The following SYNPO2 variants were observed in gnomAD, a reference collection of about 807,000 sequenced individuals.
SYNPO2 encodes synaptopodin-2.
Under a neutral mutation model 85.0 loss-of-function variants are expected in SYNPO2, and 56 were observed. The ratio of observed to expected loss-of-function variants is 0.66; its 90% confidence interval spans 0.53 to 0.82. SYNPO2 has a LOEUF of 0.82. Among genes scored for constraint, SYNPO2 ranks in the 40% least tolerant of loss-of-function variants. SYNPO2 has a pLI of 0.00. For missense variants in SYNPO2, 1,575 were observed against 1,534.2 expected (o/e 1.03, Z -0.44); for synonymous variants, 602 against 591.1 (o/e 1.02, Z -0.27).
intron 1 of SYNPO2, among the ~76,000 whole-genome samples, chr4:118,900,703 C>CTCTCTCTCTCTATATATA (rs1277981772): frequency 7.8e-4 from 34 of 43,868 alleles, no homozygotes; most frequent in Non-Finnish European, 1.2e-3. Flanking sequence ...CTCTCTCTCT[C>CTCTCTCTCTCTATATATA]TATATATATA....
Position 118,871,862 on chromosome 4 carries a change from C to A in SYNPO2, c.12+20922C>A, listed in dbSNP as rs570294710. Reference sequence around the variant, plus strand: ...GGGATTACAGGCGTGAGCCACCGCACCTGGCCTATAATCAATTGTTAAGTG... The same window carrying A: ...GGGATTACAGGCGTGAGCCACCGCAACTGGCCTATAATCAATTGTTAAGTG... On this transcript the variant is annotated intron_variant, in intron 1 of 4. Coordinates refer to the SYNPO2 transcript ENST00000610556. Among the ~76,000 whole-genome samples the A allele has an allele frequency of 7.2e-5, 11 of 152,336 alleles. No homozygotes were observed. The South Asian group carries it at 1.0e-3, about 14-fold the overall frequency.
intron 1 of SYNPO2, among the ~76,000 whole-genome samples, chr4:118,983,519 A>G (rs556777289): frequency 1.3e-5 from 2 of 152,262 alleles, no homozygotes; most frequent in South Asian, 2.1e-4. Context: ...TCCTATTACC[A>G]TGATGGCAGC....
At chr4:119,002,667 A>T (rs1180090161) in intron 1 of SYNPO2, among the ~76,000 whole-genome samples, 1 of 151,518 alleles carries the variant, frequency 6.6e-6, no homozygotes, top group Non-Finnish European at 1.5e-5. Context: ...CATCCTGGGG[A>T]TTTCTCTTTT....
chr4:119,026,837 G>C lies in SYNPO2; in HGVS notation c.468G>C (p.Leu156Phe). 1 of 1,614,082 alleles carries C rather than the reference G, an allele frequency of 6.2e-7. No homozygotes were observed. Among genetic ancestry groups the C allele is most frequent in the Non-Finnish European group, 8.5e-7 (1 of 1,180,008 alleles). Residue 156 changes from leucine (L) to phenylalanine (F), a missense_variant, in exon 3 of 5, where the codon TTG (leucine) becomes TTC (phenylalanine). Physicochemically the swap from Leu to Phe is conservative, Grantham distance 22. Around this residue, in one of 3 missense-constraint regions of SYNPO2, gnomAD observed 1,508 missense variants for 1,446.8 expected, o/e 1.04. Coordinates refer to ENST00000307142, the MANE Select transcript of SYNPO2 (RefSeq NM_133477.3). ...QRSGPDCAGS[L>F]KEETGPSYQR... Reference sequence around the variant, plus strand: ...GTGGTCCCGACTGTGCAGGCAGCTTGAAAGAAGAAACAGGCCCGAGCTACC... The same window carrying C: ...GTGGTCCCGACTGTGCAGGCAGCTTCAAAGAAGAAACAGGCCCGAGCTACC...
intron 4 of SYNPO2, among the ~76,000 whole-genome samples, chr4:119,044,327 C>T (rs920118209): frequency 2.6e-5 from 4 of 152,210 alleles, no homozygotes; most frequent in African/African-American, 9.6e-5. Context: ...ATGGCATCTC[C>T]ATGTCTCTAA....
At chr4:119,032,265 T>C in intron 4 of SYNPO2, 1 of 1,407,900 alleles carries the variant, frequency 7.1e-7, no homozygotes, top group East Asian at 2.6e-5. Flanking sequence ...TTTGCACACT[T>C]AAAAAATCCA....
chr4:118,887,200 T>TGTGTGTGTGC (rs1732215866), upstream of SYNPO2, among the ~76,000 whole-genome samples: 1 of 150,742 alleles, frequency 6.6e-6, no homozygotes, highest in African/African-American at 2.4e-5. Flanking sequence ...TGTGTGTGTG[T>TGTGTGTGTGC]GTGCACCCTC....
At chr4:118,964,971 C>T (rs76372374) in intron 1 of SYNPO2, among the ~76,000 whole-genome samples, 4,533 of 152,256 alleles carry the variant, frequency 0.03, 93 homozygotes, top group Middle Eastern at 0.12. Flanking sequence ...CATGTCCTTT[C>T]GAAGCCCAAA....
upstream of SYNPO2, among the ~76,000 whole-genome samples, chr4:118,884,937 G>A (rs1311407402): frequency 1.3e-5 from 2 of 152,170 alleles, no homozygotes; most frequent in East Asian, 1.9e-4. Context: ...AGTGATAGTA[G>A]CACGTGGAAG....
intron 1 of SYNPO2, among the ~76,000 whole-genome samples, chr4:118,914,625 G>A (rs1347817016): frequency 6.6e-6 from 1 of 152,050 alleles, no homozygotes; most frequent in Admixed American, 6.6e-5. Flanking sequence ...TAAAATGATA[G>A]GGATGGAAGC....
At chr4:118,994,443 T>G (rs936432121) in intron 1 of SYNPO2, among the ~76,000 whole-genome samples, 3 of 152,220 alleles carry the variant, frequency 2.0e-5, no homozygotes, top group African/African-American at 7.2e-5. Flanking sequence ...GAGCCCTGTT[T>G]TGAAAGAGGA....
intron 1 of SYNPO2, among the ~76,000 whole-genome samples, chr4:119,007,022 C>T (rs1369838879): frequency 6.6e-6 from 1 of 150,572 alleles, no homozygotes; most frequent in Non-Finnish European, 1.5e-5. Context: ...GGGTTATGGA[C>T]ATCACATTAG....
chr4:118,850,947 A>G (rs1731410852), intron 1 of SYNPO2: 1 of 398,650 alleles, frequency 2.5e-6, no homozygotes, highest in Non-Finnish European at 4.4e-6. Flanking sequence ...ACAGGTAGGA[A>G]GAGAAGCAGA....
chr4:118,852,741 G>A (rs1731441813), intron 1 of SYNPO2, among the ~76,000 whole-genome samples: 1 of 152,286 alleles, frequency 6.6e-6, no homozygotes, highest in Admixed American at 6.5e-5. Flanking sequence ...GGAGGAGGGA[G>A]AGAATCAGGA....
chr4:118,960,990 T>C (rs993335757), intron 1 of SYNPO2, among the ~76,000 whole-genome samples: 3 of 152,136 alleles, frequency 2.0e-5, no homozygotes, highest in African/African-American at 7.2e-5. Flanking sequence ...AACTCAGTTC[T>C]TATCCCTCCA....
At chr4:119,033,802 A>G (rs1170737985) in intron 4 of SYNPO2, 6 of 984,386 alleles carry the variant, frequency 6.1e-6, no homozygotes, top group Non-Finnish European at 7.2e-6. Context: ...AATTTCTCTG[A>G]TATTTCTCTA....
chr4:118,960,655 G>A (rs764448156), intron 1 of SYNPO2, among the ~76,000 whole-genome samples: 1 of 151,954 alleles, frequency 6.6e-6, no homozygotes, highest in African/African-American at 2.4e-5. Context: ...TCTAATGGGC[G>A]TCTCAAACTT....
chr4:118,896,608 T>A (rs1732557603), intron 1 of SYNPO2, among the ~76,000 whole-genome samples: 1 of 152,242 alleles, frequency 6.6e-6, no homozygotes, highest in African/African-American at 2.4e-5. Flanking sequence ...TTGGATTACT[T>A]TAGGCACCTA....
intron 1 of SYNPO2, among the ~76,000 whole-genome samples, chr4:118,909,720 T>G (rs1267383872): frequency 6.6e-6 from 1 of 152,192 alleles, no homozygotes; most frequent in Admixed American, 6.5e-5. Flanking sequence ...AGATGCTGCA[T>G]CTGCTGCCGG....
Sources: gnomAD v4.1 joint callset for allele counts (sites outside exome capture counted in the v4.1 genomes callset) on GRCh38, gnomAD v4.1.1 for gene constraint, gnomAD v4.1.1 regional missense constraint, MANE v1.5 for transcripts, NCBI Gene and HGNC (gene_info 2026-07-23, HGNC 2026-07-21) for gene names.